RRN3: variants seen among roughly 807,000 people sequenced by gnomAD.
RRN3 encodes the protein RNA polymerase I transcription factor RRN3.
A neutral mutation model predicts 82.3 loss-of-function variants in RRN3; 38 were observed. The ratio of observed to expected loss-of-function variants is 0.46; its 90% confidence interval spans 0.36 to 0.61. The LOEUF is 0.61. Among genes scored for constraint, RRN3 ranks in the 20% least tolerant of loss-of-function variants. RRN3 has a pLI of 0.00. For missense variants in RRN3, 726 were observed against 793.1 expected, an observed-to-expected ratio of 0.92 and a Z score of 1.02; for synonymous variants, 284 against 284.3, an observed-to-expected ratio of 1.00 and a Z score of 0.01.
In RRN3 at chr16:15,063,102, T is replaced by C. The variant is rs1163824098; in HGVS notation, c.1794+94A>G. On this transcript the variant is annotated intron_variant, in intron 17 of 17. Coordinates refer to ENST00000198767, the MANE Select transcript of RRN3 (RefSeq NM_018427.5). ...GCCTTGACCCCCTAAAGTGCGGGGA[T>C]TACACGCACGAACGACTTGCCACTT... The C allele has an allele frequency of 3.2e-6, 3 of 936,038 alleles. No individual in the cohort carries two copies. In the African/African-American group the frequency reaches 4.9e-5, roughly 15 times the overall value. The allele number at this position is 936,038 out of a possible 1,614,324, so 58.0% of individuals were successfully genotyped here.
At chr16:15,064,885 G>A (rs1199676779) in intron 16 of RRN3, among the ~76,000 whole-genome samples, 2 of 152,156 alleles carry the variant, frequency 1.3e-5, no homozygotes, top group Non-Finnish European at 2.9e-5. Flanking sequence ...TCCACCTCCT[G>A]GCCGGGCGCG....
intron 12 of RRN3, among the ~76,000 whole-genome samples, 193 bp downstream of exon 12, chr16:15,072,757 G>A (rs1343094136): frequency 2.6e-5 from 4 of 152,176 alleles, no homozygotes; most frequent in Non-Finnish European, 5.9e-5. Flanking sequence ...AGCAGAGCGA[G>A]ACTGTGTCTC....
intron 12 of RRN3, among the ~76,000 whole-genome samples, chr16:15,072,344 C>T (rs1470949085): frequency 6.6e-6 from 1 of 151,980 alleles, no homozygotes; most frequent in African/African-American, 2.4e-5. Flanking sequence ...CAACTCAACC[C>T]TTGGAAAGAA....
rs765079660 is a variant in RRN3 at position 15,086,396 on chromosome 16, T to C, written c.311A>G (p.Lys104Arg). ...EFRSSIMYLT[K>R]DFEQLISIIL... ...AATACTGATAAGTTGCTCAAAGTCT[T>C]TTGTCAAGTACATGATAGAAGAACG... is the stretch of plus-strand genomic sequence containing the variant. Residue 104 changes from lysine (K) to arginine (R), a missense_variant, in exon 4 of 18, where the codon AAA becomes AGA. This residue lies in a region of RRN3 where 344 missense variants were observed against 394.5 expected (regional missense o/e 0.87). Coordinates refer to ENST00000198767, the MANE Select transcript of RRN3 (RefSeq NM_018427.5). 6 of 1,613,792 alleles carry C rather than the reference T, an allele frequency of 3.7e-6. No individual in the cohort carries two copies. The highest frequency in any genetic ancestry group is 5.1e-6 in the Non-Finnish European group (6 of 1,179,792).
intron 2 of RRN3, among the ~76,000 whole-genome samples, chr16:15,092,112 G>C (rs2046155845): frequency 6.6e-6 from 1 of 152,176 alleles, no homozygotes; most frequent in South Asian, 2.1e-4. Flanking sequence ...CTGGGAGGTG[G>C]AGGATGCAGT....
At chr16:15,067,619 T>C (rs1473785735) in intron 15 of RRN3, among the ~76,000 whole-genome samples, 1 of 151,188 alleles carries the variant, frequency 6.6e-6, no homozygotes, top group Non-Finnish European at 1.5e-5. Flanking sequence ...TAAGCATCTA[T>C]GGCTTTGCCC....
At position 15,060,103 on chromosome 16, in the gene RRN3, C is replaced by G; in HGVS notation, c.*1641G>C. Reference sequence around the variant, plus strand: ...TAACCATGTCATTGTTTCATTTTCACCATGGATTTTTTTTCACAAACTCCT... The same window carrying G: ...TAACCATGTCATTGTTTCATTTTCAGCATGGATTTTTTTTCACAAACTCCT... On this transcript the variant is annotated 3_prime_UTR_variant, in exon 18 of 18. Transcript: ENST00000198767. 1 of 336,500 alleles carries G rather than the reference C, an allele frequency of 3.0e-6. No individual in the cohort carries two copies. Among genetic ancestry groups the G allele is most frequent in the Non-Finnish European group, 5.9e-6 (1 of 169,866 alleles). 20.8% of individuals were successfully genotyped at this position (336,500 alleles called of 1,614,324 possible).
At chr16:15,065,089 C>A (rs2151761585) in intron 16 of RRN3, 130 bp downstream of exon 16, 3 of 873,552 alleles carry the variant, frequency 3.4e-6, no homozygotes, top group African/African-American at 1.7e-5. Flanking sequence ...TGGTGTGAAC[C>A]CGGGAGGCGG....
At chr16:15,068,842 A>C (rs187297047) in intron 14 of RRN3, among the ~76,000 whole-genome samples, 290 of 152,340 alleles carry the variant, frequency 1.9e-3, no homozygotes, top group African/African-American at 5.0e-3. Context: ...CATGAGTAAA[A>C]TAAAGACATC....
rs750693698 is a variant in RRN3 at position 15,061,643 on chromosome 16, A to T, written c.*101T>A. ...CACAGCCGAGGCAGGCACTCGCTCTAGTTCAATGCCATCAATGCCCAATGG... is the reference window on the plus strand; with the variant it reads ...CACAGCCGAGGCAGGCACTCGCTCTTGTTCAATGCCATCAATGCCCAATGG... On this transcript the variant is annotated 3_prime_UTR_variant, in exon 18 of 18. Coordinates refer to ENST00000198767, the MANE Select transcript of RRN3 (RefSeq NM_018427.5). 45 of 1,146,892 alleles carry T rather than the reference A, an allele frequency of 3.9e-5. No individual in the cohort carries two copies. Among genetic ancestry groups the T allele is most frequent in the Non-Finnish European group, 5.7e-5 (45 of 789,366 alleles). 71.0% of individuals were successfully genotyped at this position (1,146,892 alleles called of 1,614,324 possible).
intron 3 of RRN3, among the ~76,000 whole-genome samples, chr16:15,089,430 G>A (rs1447968168): frequency 6.6e-6 from 1 of 152,134 alleles, no homozygotes; most frequent in Non-Finnish European, 1.5e-5. Context: ...AATCAACAGA[G>A]TGAGAAAAGA....
intron 11 of RRN3, among the ~76,000 whole-genome samples, 178 bp from the exon 12 acceptor site, chr16:15,073,258 A>G (rs1326956501): frequency 6.6e-6 from 1 of 152,202 alleles, no homozygotes; most frequent in Non-Finnish European, 1.5e-5. Flanking sequence ...CGGGAGTTCA[A>G]GGGCAGCCTG....
At chr16:15,088,822 C>A (rs1388567113) in intron 3 of RRN3, among the ~76,000 whole-genome samples, 1 of 151,990 alleles carries the variant, frequency 6.6e-6, no homozygotes, top group African/African-American at 2.4e-5. Context: ...CCATGGGGGG[C>A]CTTGTAAACC....
At chr16:15,090,191 TAAG>T (rs1275813029) in intron 3 of RRN3, among the ~76,000 whole-genome samples, 2 of 150,980 alleles carry the variant, frequency 1.3e-5, no homozygotes, top group East Asian at 1.9e-4. Flanking sequence ...GCCTGCGTGG[TAAG>T]AAGGAGACTT....
intron 3 of RRN3, among the ~76,000 whole-genome samples, chr16:15,088,041 C>T (rs1029873793): frequency 6.6e-6 from 1 of 151,784 alleles, no homozygotes; most frequent in Non-Finnish European, 1.5e-5. Flanking sequence ...TTAAAAAACT[C>T]GGAGGCAGAG....
Position 15,061,572 on chromosome 16 carries a change from A to C in RRN3, c.*172T>G, listed in dbSNP as rs1302121355. The C allele has an allele frequency of 3.9e-6, 2 of 513,316 alleles. No homozygotes were observed. The highest frequency in any genetic ancestry group is 3.0e-5 in the East Asian group (1 of 33,408). 31.8% of individuals were successfully genotyped at this position (513,316 alleles called of 1,614,324 possible). Reference sequence around the variant, plus strand: ...TCTGTAAGGGGAACAACAACAACAAAAAAACCCAGTCTTCAGATGCTTGAT... The same window carrying C: ...TCTGTAAGGGGAACAACAACAACAACAAAACCCAGTCTTCAGATGCTTGAT... On this transcript the variant is annotated 3_prime_UTR_variant, in exon 18 of 18. Coordinates refer to ENST00000198767, the MANE Select transcript of RRN3 (RefSeq NM_018427.5).
intron 3 of RRN3, among the ~76,000 whole-genome samples, chr16:15,088,772 A>T (rs1456641636): frequency 2.0e-5 from 3 of 152,206 alleles, no homozygotes; most frequent in African/African-American, 7.2e-5. Context: ...GACCAAGCCA[A>T]CAGATAATAA....
intron 3 of RRN3, among the ~76,000 whole-genome samples, chr16:15,087,459 C>T (rs942966453): frequency 1.8e-4 from 27 of 152,306 alleles, no homozygotes; most frequent in African/African-American, 6.3e-4. Context: ...TATCCTCTGT[C>T]CACCGTCCCA....
In RRN3 at chr16:15,071,201, T is replaced by G; in HGVS notation, c.1179A>C (p.Pro393=). ...CCTGCCTGATGATGGCAGGATTACTTGGGTCCTGCAATTTTTTCCAGAGAT... is the reference window on the plus strand; with the variant it reads ...CCTGCCTGATGATGGCAGGATTACTGGGGTCCTGCAATTTTTTCCAGAGAT... ...LEHLWKKLQD[P]SNPAIIRQAA... The change falls in exon 13 of 18, where the codon CCA becomes CCC. Residue 393 remains proline (P), a synonymous_variant. Transcript: ENST00000198767. 1 of 1,611,238 alleles carries G rather than the reference T, an allele frequency of 6.2e-7. No homozygotes were observed. The highest frequency in any genetic ancestry group is 8.5e-7 in the Non-Finnish European group (1 of 1,179,566).
Sources: gnomAD v4.1 joint callset for allele counts (sites outside exome capture counted in the v4.1 genomes callset) on GRCh38, gnomAD v4.1.1 for gene constraint, gnomAD v4.1.1 regional missense constraint, MANE v1.5 for transcripts, NCBI Gene and HGNC (gene_info 2026-07-23, HGNC 2026-07-21) for gene names.